The following PCDHA6 variants were observed in gnomAD, a reference collection of about 807,000 sequenced individuals.
The protein encoded by PCDHA6 is protocadherin alpha-6.
Under a neutral mutation model 60.3 loss-of-function variants are expected in PCDHA6, and 55 were observed. The observed-to-expected ratio is 0.91, with a 90% CI of 0.73 to 1.14. The LOEUF (loss-of-function observed/expected upper bound fraction) is 1.14, where lower values mean the gene tolerates loss of function less well. PCDHA6 is among the 50% of genes most tolerant of loss of function. The pLI is 0.00. For missense variants in PCDHA6, 1,327 were observed against 1,256.5 expected (o/e 1.06, Z -0.85); for synonymous variants, 652 against 557.9 (o/e 1.17, Z -2.38).
At chr5:140,994,717 A>G (rs1350882833) in intron 3 of PCDHA6, among the ~76,000 whole-genome samples, 4 of 152,164 alleles carry the variant, frequency 2.6e-5, no homozygotes, top group African/African-American at 9.6e-5. Context: ...AAAAAAATTT[A>G]AAATACTGGG....
intron 1 of PCDHA6, among the ~76,000 whole-genome samples, chr5:140,837,663 C>A (rs1159426304): frequency 6.6e-6 from 1 of 150,710 alleles, no homozygotes; most frequent in Non-Finnish European, 1.5e-5. Context: ...CTTTTTCTTT[C>A]ATTCTTTTTC....
At chr5:140,869,878 A>G in intron 1 of PCDHA6, 1 of 1,610,122 alleles carries the variant, frequency 6.2e-7, no homozygotes, top group Non-Finnish European at 8.5e-7. Flanking sequence ...TGCTAAAGAA[A>G]CTCTTGTGCT....
At chr5:140,986,293 CAG>C (rs1447196504) in intron 3 of PCDHA6, among the ~76,000 whole-genome samples, 2 of 152,124 alleles carry the variant, frequency 1.3e-5, no homozygotes, top group Admixed American at 6.5e-5. Flanking sequence ...TGAGACTGAG[CAG>C]AGAGAGAAAA....
chr5:140,996,311 G>C lies in PCDHA6; in HGVS notation c.2543-13316G>C, dbSNP rs191577867. On this transcript the variant is annotated intron_variant, in intron 3 of 3. Coordinates refer to ENST00000529310, the MANE Select transcript of PCDHA6 (RefSeq NM_018909.4). ...GAAGCACAGATTGTAACAAAGTAAG[G>C]GGGGAGGGTAGAGAAGAAAAGTTTG... is the stretch of plus-strand genomic sequence containing the variant. 9.0e-4 allele frequency among the ~76,000 whole-genome samples: 137 copies of C among 152,302 alleles called. 1 individual carries two copies. The highest frequency in any genetic ancestry group is 2.8e-3 in the African/African-American group (118 of 41,574).
intron 1 of PCDHA6, among the ~76,000 whole-genome samples, chr5:140,970,213 A>AAAT (rs1198069658): frequency 6.6e-5 from 10 of 152,242 alleles, no homozygotes; most frequent in Admixed American, 2.0e-4. Context: ...AATTTAGCTT[A>AAAT]AATGCAGCCT....
intron 1 of PCDHA6, chr5:140,837,285 A>T (rs944502999): frequency 6.6e-6 from 1 of 151,990 alleles, no homozygotes; most frequent in Admixed American, 6.6e-5. Flanking sequence ...CTTCTTTTTA[A>T]CTTACTTTGT....
At chr5:140,949,932 TA>T (rs1438940739) in intron 1 of PCDHA6, among the ~76,000 whole-genome samples, 2 of 151,648 alleles carry the variant, frequency 1.3e-5, no homozygotes, top group African/African-American at 2.4e-5. Context: ...AGATTTTTTT[TA>T]ATTTGCATTT....
At chr5:140,877,935 C>A (rs1184618592) in intron 1 of PCDHA6, 28 of 1,388,566 alleles carry the variant, frequency 2.0e-5, no homozygotes, top group Admixed American at 3.0e-5. Context: ...TGATTCTATC[C>A]TTTAAACTAT....
At chr5:140,853,031 A>G (rs2150527488) in intron 1 of PCDHA6, 7 of 259,886 alleles carry the variant, frequency 2.7e-5, no homozygotes, top group Non-Finnish European at 4.4e-5. Flanking sequence ...GGCGCCTGCC[A>G]CCATGCCCGC....
intron 1 of PCDHA6, chr5:140,929,251 G>A (rs782590821): frequency 6.2e-7 from 1 of 1,613,534 alleles, no homozygotes; most frequent in South Asian, 1.1e-5. Flanking sequence ...TGCCACTGGG[G>A]TAGGACTGAA....
intron 1 of PCDHA6, among the ~76,000 whole-genome samples, chr5:140,845,875 A>C: frequency 6.7e-6 from 1 of 149,840 alleles, no homozygotes; most frequent in East Asian, 1.9e-4. Context: ...AAGGCAACCT[A>C]AAATGTCAGA....
Position 140,918,450 on chromosome 5 carries a change from G to A in PCDHA6, c.2395-60499G>A, listed in dbSNP as rs7725108. On this transcript the variant is annotated intron_variant, in intron 1 of 3. Transcript: ENST00000529310. ...TGTTGAATAGGAGTGGTGACAGTGGGCATCCTTGTCTTATTCCAAGTCTCA... is the reference window on the plus strand; with the variant it reads ...TGTTGAATAGGAGTGGTGACAGTGGACATCCTTGTCTTATTCCAAGTCTCA... Among the ~76,000 whole-genome samples, 323 of 152,246 alleles carry A rather than the reference G, an allele frequency of 2.1e-3. 2 individuals carry two copies. The highest frequency in any genetic ancestry group is 7.4e-3 in the African/African-American group (306 of 41,540).
chr5:140,890,259 T>C (rs1303485467), intron 1 of PCDHA6, among the ~76,000 whole-genome samples: 2 of 152,140 alleles, frequency 1.3e-5, no homozygotes, highest in Admixed American at 6.6e-5. Flanking sequence ...CTGCACCTGA[T>C]TGCAAGCAAG....
chr5:140,851,076 A>C (rs782314087), intron 1 of PCDHA6: 1 of 1,337,516 alleles, frequency 7.5e-7, no homozygotes, highest in Non-Finnish European at 9.8e-7. Flanking sequence ...AGAATTATAA[A>C]CTGTATATTA....
intron 1 of PCDHA6, among the ~76,000 whole-genome samples, chr5:140,840,861 A>G (rs1776915355): frequency 6.6e-6 from 1 of 152,012 alleles, no homozygotes; most frequent in African/African-American, 2.4e-5. Flanking sequence ...ACACGAAACT[A>G]TGGAGGACAG....
At position 140,828,800 on chromosome 5, in the gene PCDHA6, G is replaced by T. The variant is rs2150159124; in HGVS notation, c.709G>T (p.Asp237Tyr). ...QLLVTVLDVN[D>Y]NAPTFEQSEY... ...GCTGGTCACAGTGCTGGATGTGAAT[G>T]ATAATGCTCCCACTTTCGAACAGTC... The change falls in exon 1 of 4, where the codon GAT becomes TAT. Residue 237 changes from aspartate (D) to tyrosine (Y), a missense_variant. Asp to Tyr is a radical substitution (Grantham distance 160). Coordinates refer to ENST00000529310, the MANE Select transcript of PCDHA6 (RefSeq NM_018909.4). 8 of 1,614,104 alleles carry T rather than the reference G, an allele frequency of 5.0e-6. No homozygotes were observed. Among genetic ancestry groups the T allele is most frequent in the Non-Finnish European group, 6.8e-6 (8 of 1,180,040 alleles).
intron 3 of PCDHA6, among the ~76,000 whole-genome samples, chr5:141,000,587 C>A (rs181671847): frequency 0.01 from 1,575 of 150,790 alleles, 20 homozygotes; most frequent in Non-Finnish European, 0.016. Context: ...GCCACCATGC[C>A]CAGCTAATTT....
At chr5:140,835,389 G>T (rs2150234834) in intron 1 of PCDHA6, 2 of 1,613,958 alleles carry the variant, frequency 1.2e-6, no homozygotes, top group Admixed American at 1.7e-5. Context: ...TCATTGTACA[G>T]TTCTTGTGGA....
chr5:140,863,010 A>ACGCCTGGTTGT (rs782452232), intron 1 of PCDHA6: 1 of 552,120 alleles, frequency 1.8e-6, no homozygotes, highest in African/African-American at 1.9e-5. Context: ...TCCAGCTATG[A>ACGCCTGGTTGT]CGCCTGGTTG....
Sources: gnomAD v4.1 joint callset for allele counts (sites outside exome capture counted in the v4.1 genomes callset) on GRCh38, gnomAD v4.1.1 for gene constraint, MANE v1.5 for transcripts, NCBI Gene and HGNC (gene_info 2026-07-23, HGNC 2026-07-21) for gene names.